The following DLGAP1 variants were observed in gnomAD, a reference collection of about 807,000 sequenced individuals.
DLGAP1 encodes disks large-associated protein 1.
DLGAP1 carries 11 observed loss-of-function variants against 90.8 expected under a neutral mutation model. The ratio of observed to expected loss-of-function variants is 0.12; its 90% CI spans 0.08 to 0.20. The LOEUF is 0.20. Among genes scored for constraint, DLGAP1 ranks in the 10% least tolerant of loss-of-function variants. The probability of loss-of-function intolerance (pLI) is 1.00; values close to 1 mark genes in which losing one functional copy is unlikely to be tolerated. For synonymous variants in DLGAP1, 558 were observed against 540.7 expected (o/e 1.03, Z -0.44); for missense variants, 1,050 against 1,333.8 (o/e 0.79, Z 3.31).
In DLGAP1 at chr18:4,038,771, C is replaced by G. The variant is rs369460329; in HGVS notation, c.-158-33570G>C. On this transcript the variant is annotated intron_variant, in intron 2 of 12. Transcript: ENST00000315677. ...TCTGAGGTTGGACAGGGATCTTTGC[C>G]CCAGGTAAAGAAAGAAAGATACAGT... Among the ~76,000 whole-genome samples the G allele has an allele frequency of 3.3e-5, 5 of 152,104 alleles. No homozygotes were observed. In the East Asian group the frequency reaches 5.8e-4, roughly 18 times the overall value.
At chr18:3,503,413 C>A (rs533924148) in intron 11 of DLGAP1, among the ~76,000 whole-genome samples, 2 of 152,120 alleles carry the variant, frequency 1.3e-5, no homozygotes, top group Non-Finnish European at 2.9e-5. Context: ...TCCACATATC[C>A]CTGATACCAG....
chr18:3,784,783 G>A (rs2065370051), intron 5 of DLGAP1, among the ~76,000 whole-genome samples: 1 of 152,182 alleles, frequency 6.6e-6, no homozygotes, highest in South Asian at 2.1e-4. Context: ...AGAAAACAAA[G>A]ATAATCTCTA....
At chr18:3,506,130 T>C (rs550424761) in intron 11 of DLGAP1, among the ~76,000 whole-genome samples, 35 of 150,934 alleles carry the variant, frequency 2.3e-4, no homozygotes, top group African/African-American at 8.5e-4. Context: ...CCCAGCTACT[T>C]GGGAGGCTGA....
At chr18:3,547,599 G>A (rs200871586) in intron 9 of DLGAP1, among the ~76,000 whole-genome samples, 1 of 151,874 alleles carries the variant, frequency 6.6e-6, no homozygotes, top group African/African-American at 2.4e-5. Flanking sequence ...AGCCATAAGG[G>A]AAAAAATTTA....
At chr18:4,253,176 A>G (rs1007458161) in intron 1 of DLGAP1, among the ~76,000 whole-genome samples, 6 of 152,154 alleles carry the variant, frequency 3.9e-5, no homozygotes, top group African/African-American at 1.4e-4. Flanking sequence ...ATCCTAAGAA[A>G]CACACTAATG....
intron 1 of DLGAP1, among the ~76,000 whole-genome samples, chr18:4,218,592 C>A (rs931795778): frequency 2.6e-5 from 4 of 151,854 alleles, no homozygotes; most frequent in Non-Finnish European, 4.4e-5. Flanking sequence ...AAATTTTATA[C>A]CTTTTGACCA....
intron 1 of DLGAP1, among the ~76,000 whole-genome samples, chr18:4,212,509 T>TAA (rs3041112): frequency 0.4 from 54,268 of 136,424 alleles, 12,220 homozygotes; most frequent in East Asian, 0.76. Flanking sequence ...CTACTAAAGT[T>TAA]AAAAAAAAAA....
chr18:3,541,960 G>A lies in DLGAP1; in HGVS notation c.2058-7345C>T, dbSNP rs151131196. ...CACTGAGGCATTTGTTTCTAGAGAC[G>A]AGGAGTGGCTCTCATAATATGTCAC... On this transcript the variant is annotated intron_variant, in intron 9 of 12. Transcript: ENST00000315677. Among the ~76,000 whole-genome samples the A allele has an allele frequency of 6.2e-4, 95 of 152,082 alleles. 1 individual carries two copies. The highest frequency in any genetic ancestry group is 2.0e-3 in the African/African-American group (84 of 41,500).
chr18:3,979,142 A>G (rs1010339935), intron 3 of DLGAP1, among the ~76,000 whole-genome samples: 5 of 152,248 alleles, frequency 3.3e-5, no homozygotes, highest in Non-Finnish European at 5.9e-5. Context: ...CAGAAAAACC[A>G]CTATGGTCAT....
At chr18:3,919,813 G>A (rs1057164431) in intron 3 of DLGAP1, among the ~76,000 whole-genome samples, 1 of 152,214 alleles carries the variant, frequency 6.6e-6, no homozygotes, top group African/African-American at 2.4e-5. Context: ...ACAGCAGCTA[G>A]TAAGTGACAA....
chr18:3,772,121 TTTC>T (rs927682410), intron 5 of DLGAP1, among the ~76,000 whole-genome samples: 27 of 136,030 alleles, frequency 2.0e-4, no homozygotes, highest in South Asian at 1.0e-3. Context: ...CTTTCCTTTC[TTTC>T]TTTTCTTTTC....
At chr18:3,554,788 G>T (rs530402240) in intron 9 of DLGAP1, among the ~76,000 whole-genome samples, 1 of 152,154 alleles carries the variant, frequency 6.6e-6, no homozygotes, top group Non-Finnish European at 1.5e-5. Flanking sequence ...AGATCAATCA[G>T]TTAGGTGGGC....
chr18:3,535,584 T>A (rs1273747669), intron 9 of DLGAP1, among the ~76,000 whole-genome samples: 1 of 151,678 alleles, frequency 6.6e-6, no homozygotes, highest in East Asian at 1.9e-4. Context: ...GGTGGGCACC[T>A]GTGGTCCCAG....
intron 3 of DLGAP1, among the ~76,000 whole-genome samples, chr18:3,926,401 CATATATATAT>C (rs35464708): frequency 0.028 from 4,120 of 145,578 alleles, 71 homozygotes; most frequent in African/African-American, 0.04. Context: ...AAGCAAATGA[CATATATATAT>C]ATATATATAT....
At position 3,615,871 on chromosome 18, in the gene DLGAP1, C is replaced by CA. The variant is rs550295386; in HGVS notation, c.1592-33624dup. 3.4e-3 allele frequency among the ~76,000 whole-genome samples: 518 copies of CA among 152,216 alleles called. 2 individuals are homozygous for CA. The highest frequency in any genetic ancestry group is 5.6e-3 in the Non-Finnish European group (380 of 67,988). ...GGGGGCATTTTAGCAGGAATTTTTGCAAACATTTCTTCCCTCAAGGGTAAG... is the reference window on the plus strand; with the variant it reads ...GGGGGCATTTTAGCAGGAATTTTTGCAAAACATTTCTTCCCTCAAGGGTAAG... On this transcript the variant is annotated intron_variant, in intron 7 of 12. Coordinates refer to ENST00000315677, the MANE Select transcript of DLGAP1 (RefSeq NM_004746.4).
intron 11 of DLGAP1, among the ~76,000 whole-genome samples, 160 bp from the exon 12 acceptor site, chr18:3,502,805 A>G (rs1200750540): frequency 6.6e-6 from 1 of 152,218 alleles, no homozygotes; most frequent in Non-Finnish European, 1.5e-5. Flanking sequence ...TTAATTTTAT[A>G]CACTCATCCG....
chr18:3,808,626 A>C (rs946921752), intron 5 of DLGAP1, among the ~76,000 whole-genome samples: 5 of 152,202 alleles, frequency 3.3e-5, no homozygotes, highest in African/African-American at 1.2e-4. Flanking sequence ...ACAAATTGCT[A>C]TGTTCCCAAT....
chr18:4,045,183 C>G (rs2075030934), intron 2 of DLGAP1, among the ~76,000 whole-genome samples: 1 of 152,072 alleles, frequency 6.6e-6, no homozygotes. Flanking sequence ...CTGCCCTGCA[C>G]TGTCCCTCGA....
Position 4,013,251 on chromosome 18 carries a change from G to A in DLGAP1, c.-158-8050C>T, listed in dbSNP as rs139728030. On this transcript the variant is annotated intron_variant, in intron 2 of 12. Coordinates refer to ENST00000315677, the MANE Select transcript of DLGAP1 (RefSeq NM_004746.4). ...GGTACTATTATAAGCATTTACATAC[G>A]CAATCATTTAATATTTAAAAAGCCT... is the stretch of plus-strand genomic sequence containing the variant. 2.3e-4 allele frequency among the ~76,000 whole-genome samples: 35 copies of A among 152,062 alleles called. No individual in the cohort carries two copies. The East Asian group carries it at 6.4e-3, about 28-fold the overall frequency.
Sources: gnomAD v4.1 joint callset for allele counts (sites outside exome capture counted in the v4.1 genomes callset) on GRCh38, gnomAD v4.1.1 for gene constraint, MANE v1.5 for transcripts, NCBI Gene and HGNC (gene_info 2026-07-23, HGNC 2026-07-21) for gene names.